Variants in BBS9 observed in about 807,000 individuals in gnomAD.
BBS9 encodes the protein Bardet-Biedl syndrome 9, also known as protein PTHB1.
BBS9 carries 89 observed loss-of-function variants against 117.7 expected under a neutral mutation model. The ratio of observed to expected loss-of-function variants is 0.76; its 90% CI spans 0.64 to 0.90. The LOEUF is 0.90. Ranked by LOEUF, BBS9 falls within the 40% of genes least tolerant of loss-of-function variation. BBS9 has a pLI of 0.00. For synonymous variants in BBS9, 379 were observed against 370.9 expected (o/e 1.02, Z -0.25); for missense variants, 982 against 1,042.2 (o/e 0.94, Z 0.80).
intron 4 of BBS9, among the ~76,000 whole-genome samples, chr7:33,171,652 C>A (rs1018865778): frequency 6.6e-6 from 1 of 151,980 alleles, no homozygotes; most frequent in Non-Finnish European, 1.5e-5. Flanking sequence ...ATATATGTAG[C>A]TTTTCTGTAT....
At chr7:33,448,617 T>C (rs1038525709) in intron 19 of BBS9, among the ~76,000 whole-genome samples, 2 of 152,326 alleles carry the variant, frequency 1.3e-5, no homozygotes, top group East Asian at 3.9e-4. Context: ...TTCAGTACCA[T>C]TGAAATGATA....
At position 33,406,026 on chromosome 7, in the gene BBS9, G is replaced by T. The variant is rs529736463; in HGVS notation, c.2115+17882G>T. ...TACACACTGCTTTGAATGCGTCCCA[G>T]AGATTCTGGTATGTTGTGTCTTTGT... is the stretch of plus-strand genomic sequence containing the variant. On this transcript the variant is annotated intron_variant, in intron 19 of 22. Transcript: ENST00000242067. 2.0e-5 allele frequency among the ~76,000 whole-genome samples: 3 copies of T among 152,234 alleles called. No individual in the cohort carries two copies. The East Asian group carries it at 5.8e-4, about 29-fold the overall frequency.
At chr7:33,412,796 A>G (rs777027670) in intron 19 of BBS9, among the ~76,000 whole-genome samples, 2 of 152,234 alleles carry the variant, frequency 1.3e-5, no homozygotes, top group Non-Finnish European at 2.9e-5. Context: ...TTAGGTATAC[A>G]GTTCTTTTTA....
chr7:33,558,743 A>G (rs1424301788), intron 21 of BBS9, among the ~76,000 whole-genome samples: 1 of 152,166 alleles, frequency 6.6e-6, no homozygotes, highest in East Asian at 1.9e-4. Flanking sequence ...AAATAGCATT[A>G]TATTATATTC....
intron 20 of BBS9, among the ~76,000 whole-genome samples, chr7:33,517,092 C>A (rs1476223354): frequency 6.6e-6 from 1 of 152,092 alleles, no homozygotes; most frequent in African/African-American, 2.4e-5. Context: ...AGAACTAAGT[C>A]CAGTGAACTT....
intron 4 of BBS9, among the ~76,000 whole-genome samples, chr7:33,162,835 T>C (rs759156904): frequency 4.6e-5 from 7 of 152,200 alleles, no homozygotes; most frequent in Non-Finnish European, 8.8e-5. Context: ...TTCTCTTGCC[T>C]GATTGCCCTG....
At chr7:33,395,526 G>T (rs1317311263) in intron 19 of BBS9, among the ~76,000 whole-genome samples, 1 of 152,048 alleles carries the variant, frequency 6.6e-6, no homozygotes, top group African/African-American at 2.4e-5. Context: ...AATGTTTACT[G>T]ATCTAAAAGT....
At chr7:33,292,378 C>T (rs1054508732) in intron 9 of BBS9, among the ~76,000 whole-genome samples, 9 of 152,018 alleles carry the variant, frequency 5.9e-5, no homozygotes, top group Non-Finnish European at 1.2e-4. Context: ...TAGGTGTGTG[C>T]CACCACACCT....
chr7:33,566,259 TA>T (rs1563371155), intron 21 of BBS9, among the ~76,000 whole-genome samples: 1 of 150,206 alleles, frequency 6.7e-6, no homozygotes, highest in African/African-American at 2.4e-5. Flanking sequence ...AATGCTTTTT[TA>T]AAAAAAGATG....
At chr7:33,439,943 AG>A (rs1424760359) in intron 19 of BBS9, among the ~76,000 whole-genome samples, 2 of 152,218 alleles carry the variant, frequency 1.3e-5, no homozygotes, top group Non-Finnish European at 2.9e-5. Context: ...AAGGCAAGTG[AG>A]TCAACCTTAG....
At chr7:33,300,136 A>G (rs374154913) in intron 9 of BBS9, among the ~76,000 whole-genome samples, 13 of 152,256 alleles carry the variant, frequency 8.5e-5, no homozygotes, top group South Asian at 4.1e-4. Context: ...AGAGAGGGCC[A>G]TCTGATAGGA....
intron 21 of BBS9, among the ~76,000 whole-genome samples, chr7:33,563,502 AT>A (rs1212932797): frequency 6.6e-6 from 1 of 152,200 alleles, no homozygotes; most frequent in Non-Finnish European, 1.5e-5. Context: ...AAATAAGGAC[AT>A]TTGATTAGAA....
At chr7:33,633,032 G>C (rs889504357) in intron 21 of BBS9, among the ~76,000 whole-genome samples, 2 of 152,032 alleles carry the variant, frequency 1.3e-5, no homozygotes, top group Non-Finnish European at 2.9e-5. Context: ...CCAATCAGGC[G>C]GCCCAAACTA....
chr7:33,314,952 G>A (rs951033641), intron 9 of BBS9, among the ~76,000 whole-genome samples: 3 of 152,168 alleles, frequency 2.0e-5, no homozygotes, highest in African/African-American at 4.8e-5. Context: ...GGTTGATTGT[G>A]CCAATTAGCT....
chr7:33,279,274 C>T (rs978731122), intron 9 of BBS9, among the ~76,000 whole-genome samples: 1 of 152,164 alleles, frequency 6.6e-6, no homozygotes, highest in Admixed American at 6.5e-5. Context: ...TGAGGACTCA[C>T]CATGTTGCCC....
At chr7:33,407,507 G>C (rs886573370) in intron 19 of BBS9, among the ~76,000 whole-genome samples, 17 of 151,824 alleles carry the variant, frequency 1.1e-4, no homozygotes, top group African/African-American at 2.2e-4. Context: ...GAGGAGAGGC[G>C]CTCTGCTTTT....
downstream of BBS9, among the ~76,000 whole-genome samples, chr7:33,606,306 A>G (rs756848146): frequency 2.6e-5 from 4 of 152,200 alleles, no homozygotes; most frequent in Non-Finnish European, 5.9e-5. Flanking sequence ...TAAACCTATC[A>G]GTGAAATACA....
chr7:33,621,428 G>A (rs2700703), intron 21 of BBS9, among the ~76,000 whole-genome samples: 57,070 of 152,030 alleles, frequency 0.38, 14,496 homozygotes, highest in African/African-American at 0.72. Flanking sequence ...TGGCCAACAG[G>A]TATATGAATA....
chr7:33,604,810 G>A, intron 21 of BBS9, 55 bp from the exon 22 acceptor site: 1 of 1,217,280 alleles, frequency 8.2e-7, no homozygotes, highest in Non-Finnish European at 1.2e-6. Context: ...TTGCTGTGTA[G>A]AGAGGCAGAT....
Sources: gnomAD v4.1 joint callset for allele counts (sites outside exome capture counted in the v4.1 genomes callset) on GRCh38, gnomAD v4.1.1 for gene constraint, MANE v1.5 for transcripts, NCBI Gene and HGNC (gene_info 2026-07-23, HGNC 2026-07-21) for gene names.